ATM: variants seen among roughly 807,000 people sequenced by gnomAD.
ATM encodes the protein serine-protein kinase ATM.
A neutral mutation model predicts 387.0 loss-of-function variants in ATM; 308 were observed. The ratio of observed to expected loss-of-function variants is 0.80; its 90% CI spans 0.73 to 0.87. The LOEUF (loss-of-function observed/expected upper bound fraction) is 0.87, where lower values mean the gene tolerates loss of function less well. Among genes scored for constraint, ATM ranks in the 40% least tolerant of loss-of-function variants. The pLI, the probability that ATM is intolerant of heterozygous loss-of-function variation, is 0.00. For missense variants in ATM, 3,312 were observed against 3,560.9 expected, an observed-to-expected ratio of 0.93 and a Z score of 1.78; for synonymous variants, 1,156 against 1,187.3, an observed-to-expected ratio of 0.97 and a Z score of 0.54.
At chr11:108,246,860 T>G in intron 7 of ATM, 104 bp from the exon 8 acceptor site, 3 of 885,426 alleles carry the variant, frequency 3.4e-6, no homozygotes, top group Non-Finnish European at 3.6e-6. Context: ...GGACCAGGTG[T>G]CTTCTAACGC....
At chr11:108,354,741 A>G in intron 60 of ATM, 70 bp from the exon 61 acceptor site, 3 of 1,287,860 alleles carry the variant, frequency 2.3e-6, no homozygotes, top group Middle Eastern at 1.9e-4. Context: ...ACATGAGAGT[A>G]TACAGATAAA....
At chr11:108,328,065 T>C (rs2085860664) in intron 48 of ATM, among the ~76,000 whole-genome samples, 1 of 152,172 alleles carries the variant, frequency 6.6e-6, no homozygotes, top group African/African-American at 2.4e-5. Flanking sequence ...AAATAACTGA[T>C]TAAGAATAGG....
At chr11:108,354,748 TAA>T (rs2089676092) in intron 60 of ATM, 61 bp from the exon 61 acceptor site, 1 of 1,367,530 alleles carries the variant, frequency 7.3e-7, no homozygotes, top group African/African-American at 1.4e-5. Flanking sequence ...AGTATACAGA[TAA>T]AGATACGTTG....
At chr11:108,235,537 G>C in intron 4 of ATM, 133 bp from the exon 5 acceptor site, 1 of 814,948 alleles carries the variant, frequency 1.2e-6, no homozygotes, top group East Asian at 2.7e-5. Flanking sequence ...GCCATAATTT[G>C]CCAATTTCTT....
At chr11:108,308,906 A>T in intron 38 of ATM, 1 of 925,294 alleles carries the variant, frequency 1.1e-6, no homozygotes, top group Non-Finnish European at 1.7e-6. Flanking sequence ...GCTTTAATGT[A>T]GTGGAGAGCA....
In ATM at chr11:108,235,511, AT is replaced by A. The variant is rs199858304; in HGVS notation, c.332-158del. Among the ~76,000 whole-genome samples, 2,256 of 152,174 alleles carry A rather than the reference AT, an allele frequency of 0.015. 67 individuals carry two copies. The highest frequency in any genetic ancestry group is 0.05 in the African/African-American group (2,072 of 41,466). On this transcript the variant is annotated intron_variant, in intron 4 of 62. Transcript: ENST00000675843. ...AATGTTATTTGCAAAGAAAAAAAAA[AT>A]GAATTTTGCTTGGGGCCATAATTTG...
At position 108,298,966 on chromosome 11, in the gene ATM, A is replaced by G. The variant is rs572737398; in HGVS notation, c.5006-748A>G. On this transcript the variant is annotated intron_variant, in intron 33 of 62. Coordinates refer to ENST00000675843, the MANE Select transcript of ATM (RefSeq NM_000051.4). ...ATCTAAAAGAAATAAATAGCCAGGA[A>G]TAAATTTAATCAAAGAGGTGAAAAA... Among the ~76,000 whole-genome samples, 153 of 152,374 alleles carry G rather than the reference A, an allele frequency of 1.0e-3. 6 individuals carry two copies. In the South Asian group the frequency reaches 0.031, roughly 31 times the overall value.
Position 108,320,019 on chromosome 11 carries a change from G to T in ATM, c.6413G>T (p.Arg2138Ile). The change falls in exon 44 of 63, where the codon AGA (arginine) becomes ATA (isoleucine). Residue 2138 changes from arginine (R) to isoleucine (I), a missense_variant. Arg to Ile is a moderately conservative substitution (Grantham distance 97). Coordinates refer to ENST00000675843, the MANE Select transcript of ATM (RefSeq NM_000051.4). ...LYNALQSLRD[R>I]EFSTFYESLK... ...AATGCTCTACAATCTCTAAGAGACA[G>T]AGAATTCTCTACATTTTATGAAAGT... 6.2e-7 allele frequency: 1 copy of T among 1,611,062 alleles called. No individual in the cohort carries two copies. Among genetic ancestry groups the T allele is most frequent in the South Asian group, 1.1e-5 (1 of 91,010 alleles).
intron 42 of ATM, 149 bp from the exon 43 acceptor site, chr11:108,317,224 C>T: frequency 1.4e-6 from 1 of 739,634 alleles, no homozygotes; most frequent in Non-Finnish European, 2.2e-6. Flanking sequence ...CAGGCATGAG[C>T]CACCACACCC....
chr11:108,343,206 T>C lies in ATM; in HGVS notation c.8269-16T>C, dbSNP rs375051442. 28 of 1,613,790 alleles carry C rather than the reference T, an allele frequency of 1.7e-5. No individual in the cohort carries two copies. Among genetic ancestry groups the C allele is most frequent in the African/African-American group, 2.7e-5 (2 of 74,914 alleles). The stretch of plus-strand genomic sequence containing the variant: ...TGGCCTTTTAAAATTAAAAGGTATT[T>C]AATCTGTAACTCCAGGTGGTTCCCC... On this transcript the variant is annotated splice_polypyrimidine_tract_variant and intron_variant, in intron 56 of 62. Coordinates refer to ENST00000675843, the MANE Select transcript of ATM (RefSeq NM_000051.4).
chr11:108,302,169 T>A (rs530870814), intron 35 of ATM, among the ~76,000 whole-genome samples: 1 of 152,254 alleles, frequency 6.6e-6, no homozygotes, highest in African/African-American at 2.4e-5. Context: ...CATATCACAA[T>A]CCCCTGGTGA....
chr11:108,300,974 G>A (rs2083400620), intron 34 of ATM, among the ~76,000 whole-genome samples: 1 of 144,628 alleles, frequency 6.9e-6, no homozygotes, highest in Non-Finnish European at 1.5e-5. Flanking sequence ...ATAGCTGACT[G>A]TAACCCCAAA....
At chr11:108,235,131 T>C (rs1413433127) in intron 4 of ATM, among the ~76,000 whole-genome samples, 1 of 152,020 alleles carries the variant, frequency 6.6e-6, no homozygotes, top group South Asian at 2.1e-4. Flanking sequence ...ACCCTGTCTC[T>C]ACTAAAAGTA....
intron 42 of ATM, 80 bp downstream of exon 42, chr11:108,316,193 C>A: frequency 7.8e-7 from 1 of 1,277,410 alleles, no homozygotes; most frequent in Non-Finnish European, 1.1e-6. Flanking sequence ...GATATTTACA[C>A]AGCCAGATAA....
Position 108,366,683 on chromosome 11 carries a change from G to A in ATM, c.*1175G>A, listed in dbSNP as rs2091348713. The A allele has an allele frequency of 4.3e-6, 1 of 231,278 alleles. No homozygotes were observed. Among genetic ancestry groups the A allele is most frequent in the African/African-American group, 2.2e-5 (1 of 45,216 alleles). 14.3% of individuals were successfully genotyped at this position (231,278 alleles called of 1,614,324 possible). ...TTAGGGTTTCCATACCTGAAGTGTA[G>A]CATAAATACTGATAGGAGATTTCCC... On this transcript the variant is annotated 3_prime_UTR_variant, in exon 63 of 63. Transcript: ENST00000675843.
chr11:108,300,950 A>G lies in ATM; in HGVS notation c.5178-698A>G, dbSNP rs1358097801. Among the ~76,000 whole-genome samples, 3 of 147,128 alleles carry G rather than the reference A, an allele frequency of 2.0e-5. No homozygotes were observed. The East Asian group carries it at 6.0e-4, about 29-fold the overall frequency. ...CAGGCTGGAGCGCAGTGGCATGATAATACATCATAGATCATAGCTGACTGT... is the reference window on the plus strand; with the variant it reads ...CAGGCTGGAGCGCAGTGGCATGATAGTACATCATAGATCATAGCTGACTGT... On this transcript the variant is annotated intron_variant, in intron 34 of 62. Coordinates refer to ENST00000675843, the MANE Select transcript of ATM (RefSeq NM_000051.4).
intron 12 of ATM, 96 bp from the exon 13 acceptor site, chr11:108,253,718 C>A (rs2080283102): frequency 5.0e-6 from 4 of 796,562 alleles, no homozygotes; most frequent in Non-Finnish European, 8.2e-6. Flanking sequence ...GATGTAGATA[C>A]TAGGTTAATG....
intron 33 of ATM, 122 bp downstream of exon 33, chr11:108,297,504 T>C (rs2083192023): frequency 1.2e-6 from 1 of 858,982 alleles, no homozygotes; most frequent in Admixed American, 2.0e-5. Flanking sequence ...TATAGTAACA[T>C]GCTATACAGG....
intron 1 of ATM, chr11:108,225,414 A>G (rs228590): frequency 0.53 from 79,864 of 152,104 alleles, 21,812 homozygotes; most frequent in Middle Eastern, 0.73. Flanking sequence ...CAGTGAATAT[A>G]AAAGGAGAAG....
Sources: allele counts gnomAD v4.1 joint callset (sites outside exome capture counted in the v4.1 genomes callset), GRCh38; gene constraint gnomAD v4.1.1; transcripts MANE v1.5; gene names NCBI Gene and HGNC (gene_info 2026-07-23, HGNC 2026-07-21).